The following CRYBG3 variants were observed in gnomAD, a reference collection of about 807,000 sequenced individuals.
The protein encoded by CRYBG3 is very large A-kinase anchor protein.
Under a neutral mutation model 244.2 loss-of-function variants are expected in CRYBG3, and 127 were observed. The observed-to-expected ratio is 0.52, with a 90% CI of 0.45 to 0.60. CRYBG3 has a LOEUF of 0.60. CRYBG3 is among the 20% of genes least tolerant of loss of function. The probability of loss-of-function intolerance (pLI) is 0.00; values close to 1 mark genes in which losing one functional copy is unlikely to be tolerated. For synonymous variants in CRYBG3, 1,132 were observed against 1,195.8 expected, an observed-to-expected ratio of 0.95 and a Z score of 1.10; for missense variants, 3,325 against 3,442.5, an observed-to-expected ratio of 0.97 and a Z score of 0.85.
At position 97,881,167 on chromosome 3, in the gene CRYBG3, G is replaced by A. The variant is rs759066536; in HGVS notation, c.7100G>A (p.Arg2367Lys). The A allele has an allele frequency of 1.2e-6, 2 of 1,611,504 alleles. No individual in the cohort carries two copies. Among genetic ancestry groups the A allele is most frequent in the Non-Finnish European group, 1.7e-6 (2 of 1,178,616 alleles). Residue 2367 changes from arginine (R) to lysine (K), a missense_variant, in exon 7 of 22, where the codon AGA becomes AAA. Physicochemically the swap from Arg to Lys is conservative, Grantham distance 26. Around this residue, in one of 4 missense-constraint regions of CRYBG3, gnomAD observed 714 missense variants for 803.6 expected, o/e 0.89. Coordinates refer to ENST00000389622, the MANE Select transcript of CRYBG3 (RefSeq NM_153605.4). ...VLNRDWILQN[R>K]RHPQRNFILG... ...AATCGTGACTGGATTCTTCAGAACAGAAGGCATCCACAAAGAAACTTTATA... is the reference window on the plus strand; with the variant it reads ...AATCGTGACTGGATTCTTCAGAACAAAAGGCATCCACAAAGAAACTTTATA...
chr3:97,822,194 GC>G lies in CRYBG3; in HGVS notation c.-8del. 7.3e-6 allele frequency: 11 copies of G among 1,510,958 alleles called. No individual in the cohort carries two copies. The highest frequency in any genetic ancestry group is 8.8e-6 in the Non-Finnish European group (10 of 1,134,882). 93.6% of individuals were successfully genotyped at this position (1,510,958 alleles called of 1,614,324 possible). A position where few individuals can be genotyped will look rare whatever the true frequency, so the allele number is the denominator to read the frequency against. ...CCCTTCAGACAGCCCCGGGCCAGCG[GC>G]CCCCTCGGGAAATGTCCAGCGGCCG... is the stretch of plus-strand genomic sequence containing the variant. On this transcript the variant is annotated 5_prime_UTR_variant, in exon 1 of 22. Transcript: ENST00000389622.
chr3:97,903,247 T>C (rs540932432), intron 15 of CRYBG3, among the ~76,000 whole-genome samples: 3 of 152,132 alleles, frequency 2.0e-5, no homozygotes, highest in Non-Finnish European at 4.4e-5. Context: ...TTTTCATGTA[T>C]GGGGGATAGG....
rs2039366469 is a variant in CRYBG3, at chr3:97,875,964, T to C, written c.4770T>C (p.Asn1590=). 1 of 1,232,102 alleles carries C rather than the reference T, an allele frequency of 8.1e-7. No individual in the cohort carries two copies. Among genetic ancestry groups the C allele is most frequent in the East Asian group, 3.2e-5 (1 of 31,690 alleles). 76.3% of individuals were successfully genotyped at this position (1,232,102 alleles called of 1,614,324 possible). A position where few individuals can be genotyped will look rare whatever the true frequency, so the allele number is the denominator to read the frequency against. ...TCACGAAAACTGAGCCAAAAGCTAA[T>C]GTTTTTAAAATGGGAGAAGTATACC... ...LNVTKTEPKA[N]VFKMGEVYQM... The change falls in exon 4 of 22, where the codon AAT becomes AAC. Residue 1590 remains asparagine, a synonymous_variant. Coordinates refer to ENST00000389622, the MANE Select transcript of CRYBG3 (RefSeq NM_153605.4).
chr3:97,919,075 C>G (rs1180108846), intron 17 of CRYBG3, among the ~76,000 whole-genome samples: 1 of 152,136 alleles, frequency 6.6e-6, no homozygotes, highest in African/African-American at 2.4e-5. Flanking sequence ...TTCTCTGTTA[C>G]TAGATTTTGG....
At chr3:97,880,420 A>G (rs1168183301) in intron 6 of CRYBG3, among the ~76,000 whole-genome samples, 1 of 152,270 alleles carries the variant, frequency 6.6e-6, no homozygotes, top group Non-Finnish European at 1.5e-5. Context: ...TGAATGAAGC[A>G]TAGCTTTGAA....
In CRYBG3 at chr3:97,932,647, A is replaced by G. The variant is rs138784640; in HGVS notation, c.8242-1047A>G. On this transcript the variant is annotated intron_variant, in intron 17 of 21. Coordinates refer to ENST00000389622, the MANE Select transcript of CRYBG3 (RefSeq NM_153605.4). ...TCATAGTCCTTAGTTCAGAAGCTTCAAGAACTTTCCACTGGGAATAGATCT... is the reference window on the plus strand; with the variant it reads ...TCATAGTCCTTAGTTCAGAAGCTTCGAGAACTTTCCACTGGGAATAGATCT... Among the ~76,000 whole-genome samples, 999 of 152,174 alleles carry G rather than the reference A, an allele frequency of 6.6e-3. 4 individuals are homozygous for G. Among genetic ancestry groups the G allele is most frequent in the Admixed American group, 0.011 (172 of 15,266 alleles).
At chr3:97,893,040 G>A (rs761387513) in intron 11 of CRYBG3, 47 bp downstream of exon 11, 2 of 1,534,334 alleles carry the variant, frequency 1.3e-6, no homozygotes, top group Non-Finnish European at 1.8e-6. Context: ...TGTTTTTGAA[G>A]GTCAGCACAA....
intron 17 of CRYBG3, chr3:97,933,438 C>G: frequency 2.0e-6 from 1 of 509,766 alleles, no homozygotes; most frequent in Non-Finnish European, 3.6e-6. Context: ...TCATGGGTCT[C>G]TTTATTATGG....
chr3:97,896,078 T>A lies in CRYBG3; in HGVS notation c.7694T>A (p.Leu2565Ter). Residue 2565 changes from leucine (L) to a stop codon, truncating the protein, a stop_gained, in exon 12 of 22, where the codon TTA becomes TAA. Transcript: ENST00000389622. LOFTEE classifies it high-confidence loss of function. ...AGCCCTATCTTGTCTTTCCGGTACT[T>A]ACAAGCTGTGAGTTAGCTTCCTTAT... is the stretch of plus-strand genomic sequence containing the variant. The part of the protein sequence containing the change: ...LSSPILSFRY[L>*]QANFIESSVT... 1 of 1,608,120 alleles carries A rather than the reference T, an allele frequency of 6.2e-7. No individual in the cohort carries two copies. The highest frequency in any genetic ancestry group is 8.5e-7 in the Non-Finnish European group (1 of 1,177,768).
At chr3:97,842,674 G>C (rs999970945) in intron 1 of CRYBG3, among the ~76,000 whole-genome samples, 8 of 152,122 alleles carry the variant, frequency 5.3e-5, no homozygotes, top group African/African-American at 1.9e-4. Flanking sequence ...TGGGAAATCA[G>C]ATTTTAAGGT....
At chr3:97,827,185 T>C (rs1249684814) in intron 1 of CRYBG3, among the ~76,000 whole-genome samples, 1 of 152,168 alleles carries the variant, frequency 6.6e-6, no homozygotes. Context: ...GTGCTTTTTT[T>C]TTGATGGAAA....
chr3:97,887,907 A>G (rs1242801778), intron 8 of CRYBG3, among the ~76,000 whole-genome samples: 2 of 152,256 alleles, frequency 1.3e-5, no homozygotes, highest in Non-Finnish European at 2.9e-5. Flanking sequence ...TAGGCAGCCA[A>G]TAGAACTGAT....
chr3:97,828,248 AC>A (rs1559710415), intron 1 of CRYBG3, among the ~76,000 whole-genome samples: 1 of 152,128 alleles, frequency 6.6e-6, no homozygotes, highest in East Asian at 1.9e-4. Flanking sequence ...ATTTGATATG[AC>A]CTATCAATAT....
Position 97,822,094 on chromosome 3 carries a change from G to C in CRYBG3, c.-113G>C, listed in dbSNP as rs1576501981. On this transcript the variant is annotated 5_prime_UTR_variant, in exon 1 of 22. Transcript: ENST00000389622. ...AGACTGAGCCGCGCTGGCAGCTCGC[G>C]TCGAGTCGGTCTGCCCTAGCCGCAT... The C allele has an allele frequency of 1.1e-6, 1 of 874,216 alleles. No homozygotes were observed. Among genetic ancestry groups the C allele is most frequent in the Non-Finnish European group, 1.5e-6 (1 of 646,956 alleles). 54.2% of individuals were successfully genotyped at this position (874,216 alleles called of 1,614,324 possible).
At chr3:97,861,083 T>C (rs571613472) in intron 2 of CRYBG3, among the ~76,000 whole-genome samples, 1 of 152,226 alleles carries the variant, frequency 6.6e-6, no homozygotes, top group African/African-American at 2.4e-5. Context: ...TTTAGAGAAC[T>C]CAGTTATCTG....
In CRYBG3 at chr3:97,875,085, A is replaced by G. The variant is rs1397908217; in HGVS notation, c.3891A>G (p.Val1297=). 8 of 1,534,078 alleles carry G rather than the reference A, an allele frequency of 5.2e-6. No individual in the cohort carries two copies. Among genetic ancestry groups the G allele is most frequent in the Non-Finnish European group, 7.0e-6 (8 of 1,145,978 alleles). The part of the protein sequence containing the change: ...NLLVDPNSMN[V]SCLLEDKARE... The stretch of plus-strand genomic sequence containing the variant: ...TTGTTGATCCTAATAGTATGAATGT[A>G]TCTTGTTTGTTAGAAGATAAAGCTA... The change falls in exon 4 of 22, where the codon GTA becomes GTG. Residue 1297 remains valine (V), a synonymous_variant. Transcript: ENST00000389622.
chr3:97,893,059 T>C (rs2039599778), intron 11 of CRYBG3, 66 bp downstream of exon 11: 2 of 1,375,708 alleles, frequency 1.5e-6, no homozygotes, highest in Non-Finnish European at 9.9e-7. Flanking sequence ...AAAAATGTGC[T>C]AAGCAAAGCA....
intron 1 of CRYBG3, 133 bp downstream of exon 1, chr3:97,822,488 T>G: frequency 2.4e-6 from 2 of 836,372 alleles, no homozygotes; most frequent in Non-Finnish European, 3.4e-6. Flanking sequence ...TTCTCCTTCC[T>G]CCATTGCTAA....
chr3:97,878,008 A>G lies in CRYBG3; in HGVS notation c.6814A>G (p.Ser2272Gly), dbSNP rs1359165123. The change falls in exon 4 of 22, where the codon AGC (serine) becomes GGC (glycine). Residue 2272 changes from serine (S) to glycine (G), a missense_variant. Ser to Gly is a moderately conservative substitution (Grantham distance 56). Transcript: ENST00000389622. ...GTCAAAATATTTCCGTGTTCAAGAC[A>G]GCCCAGGCAGATTGAGCCCATTTAT... Reference protein sequence around the residue: ...PVSKYFRVQDSPGRLSPFIEN... With the variant: ...PVSKYFRVQDGPGRLSPFIEN... The G allele has an allele frequency of 1.9e-6, 3 of 1,613,164 alleles. No individual in the cohort carries two copies. Among genetic ancestry groups the G allele is most frequent in the Non-Finnish European group, 2.5e-6 (3 of 1,179,712 alleles).
Sources: allele counts gnomAD v4.1 joint callset (sites outside exome capture counted in the v4.1 genomes callset), GRCh38; gene constraint gnomAD v4.1.1; regional missense constraint gnomAD v4.1.1; transcripts MANE v1.5; gene names NCBI Gene and HGNC (gene_info 2026-07-23, HGNC 2026-07-21).